Variants in GBP1 observed in about 807,000 individuals in gnomAD.
GBP1 encodes the protein guanylate binding protein 1.
GBP1 carries 64 observed loss-of-function variants against 69.5 expected under a neutral mutation model. The observed-to-expected ratio is 0.92, with a 90% CI of 0.75 to 1.13. The LOEUF is 1.13. Among genes scored for constraint, GBP1 ranks in the 50% most tolerant of loss-of-function variants. The pLI is 0.00. For synonymous variants in GBP1, 250 were observed against 261.2 expected, an observed-to-expected ratio of 0.96 and a Z score of 0.41; for missense variants, 630 against 704.1, an observed-to-expected ratio of 0.89 and a Z score of 1.19.
intron 2 of GBP1, among the ~76,000 whole-genome samples, chr1:89,061,370 A>G (rs1037749167): frequency 1.3e-5 from 2 of 152,196 alleles, no homozygotes; most frequent in Admixed American, 6.5e-5. Flanking sequence ...TCTGATATAT[A>G]TGGTCAAATG....
At chr1:89,055,830 G>T in intron 8 of GBP1, 186 bp downstream of exon 8, 1 of 685,684 alleles carries the variant, frequency 1.5e-6, no homozygotes, top group Non-Finnish European at 2.5e-6. Context: ...TTAATTGACT[G>T]CACTCTCTTT....
chr1:89,058,710 A>G, intron 5 of GBP1, 131 bp downstream of exon 5: 1 of 845,058 alleles, frequency 1.2e-6, no homozygotes, highest in East Asian at 2.5e-5. Context: ...TTCAGCAAGT[A>G]TTAATTTCTA....
intron 1 of GBP1, among the ~76,000 whole-genome samples, chr1:89,064,166 A>T (rs1235603508): frequency 6.7e-6 from 1 of 148,494 alleles, no homozygotes; most frequent in Admixed American, 6.7e-5. Context: ...GAGGAGGAAT[A>T]GTAGGAGTGG....
intron 3 of GBP1, among the ~76,000 whole-genome samples, chr1:89,059,763 C>G (rs1680137494): frequency 6.6e-6 from 1 of 151,802 alleles, no homozygotes; most frequent in Non-Finnish European, 1.5e-5. Flanking sequence ...ATTTTCTCTT[C>G]TTTTTTTCAA....
chr1:89,059,315 A>G lies in GBP1; in HGVS notation c.428+2T>C. ...GTGCTGTTCTGGGTCACAAAAGGAT[A>G]CTACAGTTGGTCCATAGCCTGCTGG... On this transcript the variant is annotated splice_donor_variant, in intron 4 of 10. Transcript: ENST00000370473. LOFTEE classifies it high-confidence loss of function. 1 of 1,614,112 alleles carries G rather than the reference A, an allele frequency of 6.2e-7. No homozygotes were observed. The highest frequency in any genetic ancestry group is 8.5e-7 in the Non-Finnish European group (1 of 1,179,996).
intron 8 of GBP1, 36 bp from the exon 9 acceptor site, chr1:89,055,251 A>G (rs1283633477): frequency 7.4e-6 from 12 of 1,610,794 alleles, no homozygotes; most frequent in East Asian, 2.2e-5. Context: ...AGAAGTAGGA[A>G]ATGGCTGTAA....
In GBP1 at chr1:89,057,985, G is replaced by T; in HGVS notation, c.874+7C>A. On this transcript the variant is annotated splice_region_variant and intron_variant, in intron 6 of 10. Transcript: ENST00000370473. ...CAATGAGCAGAAGTACTAGGAAGGG[G>T]ACTTACGAGGCCCGTTGACCTGGAT... is the stretch of plus-strand genomic sequence containing the variant. The T allele has an allele frequency of 6.2e-7, 1 of 1,608,904 alleles. No individual in the cohort carries two copies. The highest frequency in any genetic ancestry group is 8.5e-7 in the Non-Finnish European group (1 of 1,177,104).
intron 8 of GBP1, 30 bp from the exon 9 acceptor site, chr1:89,055,245 G>C: frequency 6.2e-7 from 1 of 1,612,108 alleles, no homozygotes. Context: ...AGAGTGAGAA[G>C]TAGGAAATGG....
chr1:89,062,962 TTCTC>T (rs1680237125), intron 2 of GBP1, 79 bp downstream of exon 2: 14 of 1,536,222 alleles, frequency 9.1e-6, no homozygotes, highest in Middle Eastern at 1.7e-4. Flanking sequence ...CCTCATCTCT[TTCTC>T]TCCTCACATC....
intron 1 of GBP1, 29 bp downstream of exon 1, chr1:89,065,131 G>A (rs1326752225): frequency 6.6e-6 from 1 of 152,202 alleles, no homozygotes; most frequent in Non-Finnish European, 1.5e-5. Context: ...AGAGAAAGCT[G>A]CTTGATGAGA....
At position 89,056,150 on chromosome 1, in the gene GBP1, GA is replaced by G. The variant is rs769099272; in HGVS notation, c.1233del (p.Gln412ArgfsTer7). 2 of 1,613,840 alleles carry G rather than the reference GA, an allele frequency of 1.2e-6. No homozygotes were observed. The highest frequency in any genetic ancestry group is 2.7e-5 in the African/African-American group (2 of 74,916). On this transcript the variant is annotated frameshift_variant, in exon 8 of 11. Transcript: ENST00000370473. LOFTEE classifies it high-confidence loss of function. ...EASSDRCSAL[L>X]QVIFSPLEEE... ...TCTTCTAGAGGACTGAAAATGACCT[GA>G]AGTAAAGCTGAGCAACGATCTGATG...
intron 2 of GBP1, 153 bp downstream of exon 2, chr1:89,062,892 T>C (rs1009603097): frequency 2.3e-6 from 2 of 878,376 alleles, no homozygotes; most frequent in African/African-American, 1.7e-5. Context: ...TCTTATCCCC[T>C]AGAACAGCGT....
intron 6 of GBP1, among the ~76,000 whole-genome samples, chr1:89,057,654 A>C (rs1375704829): frequency 6.6e-6 from 1 of 152,258 alleles, no homozygotes; most frequent in African/African-American, 2.4e-5. Flanking sequence ...TGTAAATATT[A>C]GTCCTTGAAA....
chr1:89,054,210 C>T (rs1679985914), intron 10 of GBP1, among the ~76,000 whole-genome samples: 1 of 152,100 alleles, frequency 6.6e-6, no homozygotes, highest in African/African-American at 2.4e-5. Context: ...CTCCATTCTC[C>T]TGCCTCAGCT....
intron 10 of GBP1, 83 bp downstream of exon 10, chr1:89,054,599 C>T: frequency 7.9e-7 from 1 of 1,271,782 alleles, no homozygotes; most frequent in Non-Finnish European, 1.1e-6. Context: ...GCTTCATGTT[C>T]TCTCTGCCAC....
rs1680003825 is a variant in GBP1 at position 89,054,784 on chromosome 1, C to T, written c.1563G>A (p.Glu521=). ...RKNEQMMEQK[E]RSYQEHLKQL... ...GTTTCAAGTGTTCCTGATAACTCCTCTCCTTCTGTTCCATCATCTGCTCAT... is the reference window on the plus strand; with the variant it reads ...GTTTCAAGTGTTCCTGATAACTCCTTTCCTTCTGTTCCATCATCTGCTCAT... Residue 521 remains glutamate (E), a synonymous_variant, in exon 10 of 11, where the codon GAG becomes GAA. Transcript: ENST00000370473. 1.9e-6 allele frequency: 3 copies of T among 1,614,228 alleles called. No individual in the cohort carries two copies. In the East Asian group the frequency reaches 6.7e-5, roughly 36 times the overall value.
intron 8 of GBP1, 43 bp downstream of exon 8, chr1:89,055,973 C>T: frequency 6.2e-7 from 1 of 1,611,800 alleles, no homozygotes. Context: ...TTGTAGGAGG[C>T]AGGTCAGCAG....
At chr1:89,060,585 A>T (rs1396891954) in intron 2 of GBP1, among the ~76,000 whole-genome samples, 1 of 152,158 alleles carries the variant, frequency 6.6e-6, no homozygotes, top group Non-Finnish European at 1.5e-5. Context: ...TGTATTAAAA[A>T]CCCACAGCTA....
At chr1:89,064,982 G>A (rs1288825272) in intron 1 of GBP1, among the ~76,000 whole-genome samples, 178 bp downstream of exon 1, 1 of 152,132 alleles carries the variant, frequency 6.6e-6, no homozygotes, top group African/African-American at 2.4e-5. Context: ...TCTGACCTGC[G>A]TCCCACTTCA....
Sources: allele counts gnomAD v4.1 joint callset (sites outside exome capture counted in the v4.1 genomes callset), GRCh38; gene constraint gnomAD v4.1.1; transcripts MANE v1.5; gene names NCBI Gene and HGNC (gene_info 2026-07-23, HGNC 2026-07-21).